Variants in MBD5 observed in about 807,000 individuals in gnomAD.
MBD5 encodes the protein methyl-CpG-binding domain protein 5.
In MBD5, 13 loss-of-function variants were observed where a neutral mutation model predicts 117.3. That is an observed-to-expected ratio of 0.11 (90% CI 0.07 to 0.18). The LOEUF is 0.18. Among genes scored for constraint, MBD5 ranks in the 10% least tolerant of loss-of-function variants. The pLI is 1.00. For missense variants in MBD5, 1,879 were observed against 2,093.8 expected (o/e 0.90, Z 2.00); for synonymous variants, 727 against 766.4 (o/e 0.95, Z 0.85).
At chr2:148,361,487 AT>A (rs909272882) in intron 4 of MBD5, among the ~76,000 whole-genome samples, 1 of 152,198 alleles carries the variant, frequency 6.6e-6, no homozygotes, top group Non-Finnish European at 1.5e-5. Context: ...TTGCAGAGCC[AT>A]TTTTAAAAGG....
intron 8 of MBD5, among the ~76,000 whole-genome samples, chr2:148,478,864 G>A (rs1227042342): frequency 6.6e-6 from 1 of 152,100 alleles, no homozygotes; most frequent in Non-Finnish European, 1.5e-5. Flanking sequence ...TGGTAAACAC[G>A]TAATGAATAA....
At position 148,515,755 on chromosome 2, in the gene MBD5, A is replaced by G. The variant is rs1283194495; in HGVS notation, c.*2814A>G. ...AGTTCCTGCTGGAAAAGGAAATCTAATTTTATTTTGTGTCCCTTAACAGTC... is the reference window on the plus strand; with the variant it reads ...AGTTCCTGCTGGAAAAGGAAATCTAGTTTTATTTTGTGTCCCTTAACAGTC... On this transcript the variant is annotated 3_prime_UTR_variant, in exon 14 of 14. Coordinates refer to ENST00000642680, the MANE Select transcript of MBD5 (RefSeq NM_001378120.1). The G allele has an allele frequency of 2.0e-5, 3 of 152,198 alleles. No homozygotes were observed. The highest frequency in any genetic ancestry group is 4.4e-5 in the Non-Finnish European group (3 of 68,026). 9.4% of individuals were successfully genotyped at this position (152,198 alleles called of 1,614,324 possible).
chr2:148,450,071 A>G (rs1309029259), intron 4 of MBD5, among the ~76,000 whole-genome samples: 1 of 152,074 alleles, frequency 6.6e-6, no homozygotes, highest in East Asian at 1.9e-4. Flanking sequence ...TTCACCTAAC[A>G]AAATCATGGT....
At chr2:148,308,814 C>A (rs534242855) in intron 3 of MBD5, among the ~76,000 whole-genome samples, 2 of 151,732 alleles carry the variant, frequency 1.3e-5, no homozygotes, top group Non-Finnish European at 2.9e-5. Flanking sequence ...TTAATCCATC[C>A]TAAGTTCATT....
intron 1 of MBD5, chr2:148,062,231 T>A (rs551936014): frequency 1.3e-5 from 2 of 151,698 alleles, no homozygotes; most frequent in Admixed American, 1.3e-4. Context: ...CATTTTAGCT[T>A]TTTTTTTCTG....
At position 148,469,142 on chromosome 2, in the gene MBD5, T is replaced by C. The variant is rs1402955897; in HGVS notation, c.1199T>C (p.Val400Ala). Residue 400 changes from valine to alanine, a missense_variant, in exon 8 of 14, where the codon GTT becomes GCT. By Grantham distance (64) the Val-to-Ala change is moderately conservative (BLOSUM62 0). Transcript: ENST00000642680. ...ATGAATGTAAGCATGCCTCCTGCTG[T>C]TGTTCCTTTGCCAAGTAATCTCCCA... ...PMMNVSMPPA[V>A]VPLPSNLPLP... 6.2e-7 allele frequency: 1 copy of C among 1,614,080 alleles called. No individual in the cohort carries two copies. Among genetic ancestry groups the C allele is most frequent in the Admixed American group, 1.7e-5 (1 of 60,008 alleles).
At chr2:148,338,078 C>A (rs1702843345) in intron 3 of MBD5, among the ~76,000 whole-genome samples, 1 of 152,140 alleles carries the variant, frequency 6.6e-6, no homozygotes, top group Non-Finnish European at 1.5e-5. Context: ...TTTTCAGGTT[C>A]TGTTACTTAC....
intron 4 of MBD5, among the ~76,000 whole-genome samples, chr2:148,379,855 A>G (rs1704085987): frequency 6.6e-6 from 1 of 152,184 alleles, no homozygotes; most frequent in African/African-American, 2.4e-5. Flanking sequence ...GAGGAAATGA[A>G]ATAAACACAG....
chr2:148,245,670 C>T (rs1700320660), intron 3 of MBD5, among the ~76,000 whole-genome samples: 1 of 151,828 alleles, frequency 6.6e-6, no homozygotes, highest in Non-Finnish European at 1.5e-5. Flanking sequence ...TATTAGAAAA[C>T]CTTGGGCTTT....
chr2:148,218,839 C>T (rs922870169), intron 2 of MBD5, among the ~76,000 whole-genome samples: 11 of 152,114 alleles, frequency 7.2e-5, no homozygotes, highest in African/African-American at 2.7e-4. Flanking sequence ...GCTTGGAGGA[C>T]TGGAAGTTGC....
chr2:148,082,296 CTG>C (rs1439672269), intron 1 of MBD5, among the ~76,000 whole-genome samples: 1 of 152,138 alleles, frequency 6.6e-6, no homozygotes, highest in Non-Finnish European at 1.5e-5. Flanking sequence ...TCAGTGTCTT[CTG>C]TGGTGTCTTC....
At chr2:148,258,532 G>C (rs549190173) in intron 3 of MBD5, among the ~76,000 whole-genome samples, 1 of 152,130 alleles carries the variant, frequency 6.6e-6, no homozygotes, top group Admixed American at 6.5e-5. Flanking sequence ...CCCCCAAACT[G>C]GGCATCCCGG....
intron 3 of MBD5, among the ~76,000 whole-genome samples, chr2:148,249,612 C>T (rs1700418916): frequency 6.6e-6 from 1 of 152,140 alleles, no homozygotes; most frequent in Non-Finnish European, 1.5e-5. Flanking sequence ...GTACTATATA[C>T]TGGAGAATTA....
intron 4 of MBD5, among the ~76,000 whole-genome samples, chr2:148,352,652 C>G (rs1703274207): frequency 6.6e-6 from 1 of 151,978 alleles, no homozygotes; most frequent in Non-Finnish European, 1.5e-5. Flanking sequence ...ACTATTTTCA[C>G]TCAGCATAAT....
At chr2:148,356,354 T>A (rs1258936032) in intron 4 of MBD5, among the ~76,000 whole-genome samples, 1 of 151,990 alleles carries the variant, frequency 6.6e-6, no homozygotes, top group Non-Finnish European at 1.5e-5. Flanking sequence ...GGTTTCCTTA[T>A]TTTTTTTCTT....
At chr2:148,325,906 T>C (rs1702437361) in intron 3 of MBD5, among the ~76,000 whole-genome samples, 3 of 152,202 alleles carry the variant, frequency 2.0e-5, no homozygotes, top group African/African-American at 7.2e-5. Flanking sequence ...CTTGCTTTTC[T>C]AGTTCTTTTA....
chr2:148,249,536 C>T (rs1278420332), intron 3 of MBD5, among the ~76,000 whole-genome samples: 1 of 152,158 alleles, frequency 6.6e-6, no homozygotes, highest in African/African-American at 2.4e-5. Context: ...CTTCTCTCAG[C>T]TTCTGACTTT....
Position 148,021,449 on chromosome 2 carries a change from C to T in MBD5, c.-1160C>T. On this transcript the variant is annotated 5_prime_UTR_variant, in exon 1 of 14. Transcript: ENST00000642680. ...CAAAAGCCTCTTAGCAACACAGACC[C>T]TTTGCTGCTGCTGTTGCTGCTGCTG... 1 of 571,862 alleles carries T rather than the reference C, an allele frequency of 1.7e-6. No homozygotes were observed. The highest frequency in any genetic ancestry group is 1.5e-5 in the South Asian group (1 of 65,944). The allele number at this position is 571,862 out of a possible 1,614,324, so 35.4% of individuals were successfully genotyped here.
chr2:148,040,933 T>C (rs1044822542), intron 1 of MBD5, among the ~76,000 whole-genome samples: 10 of 152,128 alleles, frequency 6.6e-5, no homozygotes, highest in Non-Finnish European at 1.0e-4. Context: ...GTAGATGTTA[T>C]CTACCAGTGA....
Sources: gnomAD v4.1 joint callset for allele counts (sites outside exome capture counted in the v4.1 genomes callset) on GRCh38, gnomAD v4.1.1 for gene constraint, MANE v1.5 for transcripts, NCBI Gene and HGNC (gene_info 2026-07-23, HGNC 2026-07-21) for gene names.